Variants in GNAO1 observed in about 807,000 individuals in gnomAD.
GNAO1 encodes the protein guanine nucleotide-binding protein G(o) subunit alpha.
For missense variants in GNAO1, 166 were observed against 478.7 expected (o/e 0.35, Z 6.10); for synonymous variants, 164 against 180.7 (o/e 0.91, Z 0.74).
intron 2 of GNAO1, among the ~76,000 whole-genome samples, chr16:56,230,468 A>G (rs1217076167): frequency 1.3e-5 from 2 of 152,200 alleles, no homozygotes; most frequent in Admixed American, 6.5e-5. Flanking sequence ...AGCAGATTTT[A>G]TAGCTCTGCC....
intron 2 of GNAO1, among the ~76,000 whole-genome samples, chr16:56,246,999 C>G (rs1461020024): frequency 1.3e-5 from 2 of 152,122 alleles, no homozygotes; most frequent in African/African-American, 4.8e-5. Flanking sequence ...AAGTTAAGGC[C>G]CCTATCTATG....
intron 3 of GNAO1, among the ~76,000 whole-genome samples, chr16:56,317,854 A>C (rs2037527575): frequency 6.6e-6 from 1 of 152,150 alleles, no homozygotes; most frequent in Admixed American, 6.5e-5. Flanking sequence ...GGAACCAGGA[A>C]GGTTCCCTTC....
chr16:56,261,827 G>A (rs1307061891), intron 2 of GNAO1, among the ~76,000 whole-genome samples: 1 of 152,294 alleles, frequency 6.6e-6, no homozygotes, highest in Non-Finnish European at 1.5e-5. Flanking sequence ...GCAAGTCTGT[G>A]TGACCGTCCG....
At chr16:56,347,171 A>G (rs3790111) in intron 6 of GNAO1, 111,123 of 985,282 alleles carry the variant, frequency 0.11, 6,333 homozygotes, top group East Asian at 0.16. Context: ...CTCCTTTTCA[A>G]GAAGTCTGGG....
chr16:56,334,591 G>A (rs1176476103), intron 4 of GNAO1, 138 bp from the exon 5 acceptor site: 5 of 879,662 alleles, frequency 5.7e-6, no homozygotes, highest in Admixed American at 2.5e-5. Flanking sequence ...CCTATGGCCT[G>A]GAATGGAGGT....
intron 2 of GNAO1, among the ~76,000 whole-genome samples, chr16:56,267,602 G>C (rs2036968589): frequency 6.6e-6 from 1 of 152,178 alleles, no homozygotes; most frequent in Non-Finnish European, 1.5e-5. Flanking sequence ...GGTCACTGCT[G>C]TTTCCTGAGA....
At chr16:56,337,912 A>G (rs186394435) in intron 6 of GNAO1, among the ~76,000 whole-genome samples, 194 of 152,260 alleles carry the variant, frequency 1.3e-3, no homozygotes, top group African/African-American at 4.4e-3. Flanking sequence ...GGCGTCTGTC[A>G]TCTCCTTCTG....
At chr16:56,304,101 G>A (rs983538838) in intron 3 of GNAO1, among the ~76,000 whole-genome samples, 2 of 152,208 alleles carry the variant, frequency 1.3e-5, no homozygotes, top group East Asian at 1.9e-4. Context: ...ACAAGAGGGC[G>A]CCTGGTATAG....
Position 56,334,828 on chromosome 16 carries a change from C to T in GNAO1, c.564C>T (p.Thr188=), listed in dbSNP as rs756385176. ...TCAAAACCACTGGCATCGTAGAAACCCACTTCACATTCAAGAACCTCCACT... is the reference window on the plus strand; with the variant it reads ...TCAAAACCACTGGCATCGTAGAAACTCACTTCACATTCAAGAACCTCCACT... ...TRVKTTGIVE[T]HFTFKNLHFR... Residue 188 remains threonine (T), a synonymous_variant, in exon 5 of 9, where the codon ACC becomes ACT. Transcript: ENST00000262493. 1.9e-6 allele frequency: 3 copies of T among 1,614,056 alleles called. No individual in the cohort carries two copies. Among genetic ancestry groups the T allele is most frequent in the South Asian group, 2.2e-5 (2 of 91,086 alleles).
chr16:56,212,811 G>A (rs1178738581), intron 2 of GNAO1, among the ~76,000 whole-genome samples: 3 of 152,178 alleles, frequency 2.0e-5, no homozygotes, highest in South Asian at 4.1e-4. Context: ...GTAGGGTTTC[G>A]ATTCACAGAA....
chr16:56,201,678 C>T (rs1005388305), intron 2 of GNAO1, among the ~76,000 whole-genome samples: 1 of 152,058 alleles, frequency 6.6e-6, no homozygotes, highest in African/African-American at 2.4e-5. Context: ...GATATTTGGG[C>T]AGTGGAATAA....
intron 3 of GNAO1, among the ~76,000 whole-genome samples, chr16:56,298,914 C>CAAAAA (rs761298658): frequency 1.4e-5 from 1 of 70,312 alleles, no homozygotes; most frequent in Non-Finnish European, 3.0e-5. Flanking sequence ...GACTCTGTCT[C>CAAAAA]AAAAAAAAAA....
At position 56,294,294 on chromosome 16, in the gene GNAO1, T is replaced by C. The variant is rs140945686; in HGVS notation, c.303+18222T>C. The stretch of plus-strand genomic sequence containing the variant: ...TTTGTGCAGGATAAGTCTCACAGAA[T>C]GTGGGGGCTGCTCTCTTTGCTCCAA... On this transcript the variant is annotated intron_variant, in intron 3 of 8. Transcript: ENST00000262493. 3.7e-3 allele frequency among the ~76,000 whole-genome samples: 554 copies of C among 149,716 alleles called. 3 individuals are homozygous for C. Among genetic ancestry groups the C allele is most frequent in the Non-Finnish European group, 5.7e-3 (386 of 67,758 alleles).
At chr16:56,343,805 A>G (rs2037831972) in intron 6 of GNAO1, 1 of 1,613,820 alleles carries the variant, frequency 6.2e-7, no homozygotes, top group Non-Finnish European at 8.5e-7. Flanking sequence ...ATCCAGGCCC[A>G]GTACGAGAGC....
intron 4 of GNAO1, chr16:56,329,188 T>C (rs185689490): frequency 1.6e-3 from 259 of 163,128 alleles, no homozygotes; most frequent in Non-Finnish European, 1.4e-3. Flanking sequence ...AGAAAAGAAA[T>C]GGTGCCATTT....
chr16:56,333,295 C>T (rs1416145931), intron 4 of GNAO1, among the ~76,000 whole-genome samples: 1 of 151,812 alleles, frequency 6.6e-6, no homozygotes, highest in Non-Finnish European at 1.5e-5. Flanking sequence ...TCACTGCAAC[C>T]TCCGCCTCCT....
intron 6 of GNAO1, chr16:56,343,707 G>A (rs2037829788): frequency 6.9e-7 from 1 of 1,439,226 alleles, no homozygotes; most frequent in Non-Finnish European, 9.5e-7. Flanking sequence ...GGTCGTCCAT[G>A]CCAAGCAGTC....
intron 2 of GNAO1, among the ~76,000 whole-genome samples, chr16:56,222,892 C>T (rs2036504074): frequency 6.6e-6 from 1 of 152,058 alleles, no homozygotes; most frequent in African/African-American, 2.4e-5. Context: ...AGGCATGGTG[C>T]CTGATATCAC....
chr16:56,335,119 C>G (rs1172446795), intron 5 of GNAO1, among the ~76,000 whole-genome samples: 1 of 152,196 alleles, frequency 6.6e-6, no homozygotes, highest in African/African-American at 2.4e-5. Context: ...GAGGGGCAGC[C>G]TGTCCCTGAG....
Sources: allele counts gnomAD v4.1 joint callset (sites outside exome capture counted in the v4.1 genomes callset), GRCh38; gene constraint gnomAD v4.1.1; transcripts MANE v1.5; gene names NCBI Gene and HGNC (gene_info 2026-07-23, HGNC 2026-07-21).